NEK11: variants seen among roughly 807,000 people sequenced by gnomAD.
NEK11 encodes serine/threonine-protein kinase Nek11.
In NEK11, 72 loss-of-function variants were observed where a neutral mutation model predicts 80.7. The ratio of observed to expected loss-of-function variants is 0.89; its 90% CI spans 0.74 to 1.08. NEK11 has a LOEUF of 1.08. Ranked by LOEUF, NEK11 falls within the 50% of genes least tolerant of loss-of-function variation. NEK11 has a pLI of 0.00. For missense variants in NEK11, 764 were observed against 763.6 expected (o/e 1.00, Z -0.01); for synonymous variants, 251 against 260.7 (o/e 0.96, Z 0.36).
intron 17 of NEK11, among the ~76,000 whole-genome samples, chr3:131,344,769 G>C (rs2097336679): frequency 3.3e-5 from 5 of 152,154 alleles, no homozygotes; most frequent in Admixed American, 3.3e-4. Context: ...AAGCAAGAGA[G>C]AGAGTGGGGA....
At chr3:131,208,488 C>T (rs951359587) in intron 14 of NEK11, among the ~76,000 whole-genome samples, 3 of 152,040 alleles carry the variant, frequency 2.0e-5, no homozygotes, top group Admixed American at 2.0e-4. Flanking sequence ...TAGTTTTTTC[C>T]AATTCTGTGA....
chr3:131,248,307 C>T (rs2095639528), intron 16 of NEK11, among the ~76,000 whole-genome samples: 1 of 152,010 alleles, frequency 6.6e-6, no homozygotes. Context: ...TGATAGAATG[C>T]TGACTTTTTT....
chr3:131,109,529 T>G (rs2079732385), intron 4 of NEK11: 2 of 253,384 alleles, frequency 7.9e-6, no homozygotes, highest in Admixed American at 5.6e-5. Flanking sequence ...GGTAGGAGGG[T>G]AGGACCATCC....
chr3:131,197,789 G>A (rs7618848), intron 14 of NEK11, among the ~76,000 whole-genome samples: 7,034 of 152,152 alleles, frequency 0.046, 512 homozygotes, highest in African/African-American at 0.15. Flanking sequence ...TTGGTTTCCC[G>A]GAGTGGATTA....
chr3:131,226,741 C>T (rs560613256), intron 14 of NEK11, among the ~76,000 whole-genome samples: 27 of 152,024 alleles, frequency 1.8e-4, no homozygotes, highest in Non-Finnish European at 2.5e-4. Flanking sequence ...GTATACTACT[C>T]GGTGAGGGTG....
chr3:131,195,613 A>C (rs1229195351), intron 14 of NEK11, among the ~76,000 whole-genome samples: 1 of 151,992 alleles, frequency 6.6e-6, no homozygotes, highest in African/African-American at 2.4e-5. Context: ...GGGCTACTGC[A>C]TACAGTTGTG....
At chr3:131,295,748 C>T (rs889415157) in intron 17 of NEK11, among the ~76,000 whole-genome samples, 4 of 152,102 alleles carry the variant, frequency 2.6e-5, no homozygotes, top group Non-Finnish European at 5.9e-5. Flanking sequence ...CCTTATCTCT[C>T]CTTTCTAACA....
chr3:131,321,737 C>T (rs982935823), intron 17 of NEK11, among the ~76,000 whole-genome samples: 1 of 152,072 alleles, frequency 6.6e-6, no homozygotes, highest in Non-Finnish European at 1.5e-5. Context: ...AACATGAAAA[C>T]ATGCTCAACA....
At chr3:131,082,832 T>A (rs1269033473) in intron 4 of NEK11, among the ~76,000 whole-genome samples, 1 of 152,230 alleles carries the variant, frequency 6.6e-6, no homozygotes, top group African/African-American at 2.4e-5. Flanking sequence ...CTACCTACAT[T>A]TTTTAATGAA....
At chr3:131,107,635 T>C (rs376639208) in intron 4 of NEK11, among the ~76,000 whole-genome samples, 8 of 152,244 alleles carry the variant, frequency 5.3e-5, no homozygotes, top group South Asian at 2.1e-4. Context: ...CCTTCATATA[T>C]ACAAAAGCCC....
In NEK11 at chr3:131,236,289, G is replaced by A. The variant is rs554550500; in HGVS notation, c.1561-7147G>A. ...AATTCTAGAAATGGATTGTTGCAGAGGGAGTACAGGCCTCACCAGTTCCTG... is the reference window on the plus strand; with the variant it reads ...AATTCTAGAAATGGATTGTTGCAGAAGGAGTACAGGCCTCACCAGTTCCTG... On this transcript the variant is annotated intron_variant, in intron 15 of 17. Transcript: ENST00000383366. Among the ~76,000 whole-genome samples the A allele has an allele frequency of 3.3e-5, 5 of 152,296 alleles. No homozygotes were observed. The South Asian group carries it at 6.2e-4, about 19-fold the overall frequency.
chr3:131,114,563 C>A (rs1233537782), intron 5 of NEK11, among the ~76,000 whole-genome samples: 4 of 152,166 alleles, frequency 2.6e-5, no homozygotes. Flanking sequence ...AGAGTGGAAA[C>A]CCCTTGCTCA....
chr3:131,209,159 G>C (rs1174990855), intron 14 of NEK11, among the ~76,000 whole-genome samples: 1 of 152,142 alleles, frequency 6.6e-6, no homozygotes, highest in East Asian at 1.9e-4. Flanking sequence ...AGCTTATTGA[G>C]AGTTTTTAGC....
intron 5 of NEK11, among the ~76,000 whole-genome samples, chr3:131,114,504 A>T (rs1160199331): frequency 6.6e-6 from 1 of 152,210 alleles, no homozygotes; most frequent in Non-Finnish European, 1.5e-5. Flanking sequence ...AAACTGAAGG[A>T]GCAGCCCTAT....
Position 131,080,492 on chromosome 3 carries a change from C to G in NEK11, c.240C>G (p.Ala80=). ...PNETVQANLE[A]QLLSKLDHPA... is the part of the protein sequence containing the mutation. ...AAACTGTACAGGCCAATTTGGAAGC[C>G]CAACTCCTCTCCAAGCTGGACCACC... Residue 80 remains alanine (A), a synonymous_variant, in exon 4 of 18, where the codon GCC becomes GCG. Transcript: ENST00000383366. 6.2e-7 allele frequency: 1 copy of G among 1,613,936 alleles called. No homozygotes were observed. The highest frequency in any genetic ancestry group is 8.5e-7 in the Non-Finnish European group (1 of 1,179,956).
chr3:131,261,639 T>A (rs1165777044), intron 16 of NEK11, among the ~76,000 whole-genome samples: 1 of 152,142 alleles, frequency 6.6e-6, no homozygotes, highest in East Asian at 1.9e-4. Flanking sequence ...AAAGAATAAC[T>A]GTGGTCCCCT....
intron 7 of NEK11, among the ~76,000 whole-genome samples, chr3:131,143,325 T>G (rs986255691): frequency 1.5e-4 from 23 of 152,174 alleles, no homozygotes; most frequent in African/African-American, 5.5e-4. Context: ...TCTGTTCTCA[T>G]GTCCCTTGAT....
At chr3:131,053,821 A>T (rs1022569519) in intron 3 of NEK11, 3 of 152,262 alleles carry the variant, frequency 2.0e-5, no homozygotes, top group African/African-American at 7.2e-5. Flanking sequence ...GTAACACAGG[A>T]CAACAAAAAT....
In NEK11 at chr3:131,346,654, GAGGT is replaced by G. The variant is rs530512780; in HGVS notation, c.1719-2898_1719-2895del. ...GATGGGCCATGAAATTAACTGTGAGGAGGTAGGTGAGGAGTGAGTATATGAGGTT... is the reference window on the plus strand; with the variant it reads ...GATGGGCCATGAAATTAACTGTGAGGAGGTGAGGAGTGAGTATATGAGGTT... On this transcript the variant is annotated intron_variant, in intron 17 of 17. Coordinates refer to ENST00000383366, the MANE Select transcript of NEK11 (RefSeq NM_024800.5). 2.0e-5 allele frequency among the ~76,000 whole-genome samples: 3 copies of G among 152,338 alleles called. No homozygotes were observed. In the East Asian group the frequency reaches 5.8e-4, roughly 29 times the overall value.
Sources: gnomAD v4.1 joint callset for allele counts (sites outside exome capture counted in the v4.1 genomes callset) on GRCh38, gnomAD v4.1.1 for gene constraint, MANE v1.5 for transcripts, NCBI Gene and HGNC (gene_info 2026-07-23, HGNC 2026-07-21) for gene names.